The following GPR139 variants were observed in gnomAD, a reference collection of about 807,000 sequenced individuals.
The protein encoded by GPR139 is probable G protein-coupled receptor 139.
In GPR139, 12 loss-of-function variants were observed where a neutral mutation model predicts 25.8. The ratio of observed to expected loss-of-function variants is 0.47; its 90% CI spans 0.30 to 0.75. The LOEUF is 0.75. Ranked by LOEUF, GPR139 falls within the 30% of genes least tolerant of loss-of-function variation. The pLI is 0.07. For synonymous variants in GPR139, 184 were observed against 179.9 expected (o/e 1.02, Z -0.18); for missense variants, 380 against 450.2 (o/e 0.84, Z 1.41).
chr16:20,034,118 C>A (rs2057301762), intron 1 of GPR139, among the ~76,000 whole-genome samples: 2 of 151,984 alleles, frequency 1.3e-5, no homozygotes, highest in Admixed American at 6.6e-5. Context: ...CACAGTCAAC[C>A]CTGAAATTTG....
At chr16:20,072,982 G>C (rs1034545935) in intron 1 of GPR139, among the ~76,000 whole-genome samples, 1 of 152,192 alleles carries the variant, frequency 6.6e-6, no homozygotes, top group African/African-American at 2.4e-5. Flanking sequence ...CCGAGCAAGA[G>C]AGTGCTCAAT....
At chr16:20,058,603 T>A (rs977337910) in intron 1 of GPR139, among the ~76,000 whole-genome samples, 1 of 152,214 alleles carries the variant, frequency 6.6e-6, no homozygotes, top group Non-Finnish European at 1.5e-5. Flanking sequence ...ATTTTCAAGA[T>A]GTCCTTGGAA....
intron 1 of GPR139, among the ~76,000 whole-genome samples, chr16:20,045,959 C>A (rs1045909425): frequency 6.6e-6 from 1 of 152,254 alleles, no homozygotes; most frequent in South Asian, 2.1e-4. Flanking sequence ...AGGGGACCAA[C>A]AGGAAATCAG....
At chr16:20,039,400 T>A (rs1464185487) in intron 1 of GPR139, among the ~76,000 whole-genome samples, 2 of 152,234 alleles carry the variant, frequency 1.3e-5, no homozygotes, top group Non-Finnish European at 2.9e-5. Context: ...TTTATATCTT[T>A]TAGTTCTGCT....
At chr16:20,059,867 G>A (rs1179881695) in intron 1 of GPR139, among the ~76,000 whole-genome samples, 1 of 152,192 alleles carries the variant, frequency 6.6e-6, no homozygotes, top group African/African-American at 2.4e-5. Context: ...AAGCCCAGGT[G>A]TGCCCCATCC....
intron 1 of GPR139, among the ~76,000 whole-genome samples, chr16:20,040,203 A>G (rs763676576): frequency 1.3e-5 from 2 of 152,212 alleles, no homozygotes; most frequent in African/African-American, 2.4e-5. Flanking sequence ...CTGCAAATGC[A>G]TGAGAGACCA....
rs753756102 is a variant in GPR139, at chr16:20,073,447, C to G, written c.127+43G>C. 1 of 1,597,876 alleles carries G rather than the reference C, an allele frequency of 6.3e-7. No individual in the cohort carries two copies. The highest frequency in any genetic ancestry group is 1.1e-5 in the South Asian group (1 of 88,108). On this transcript the variant is annotated intron_variant, in intron 1 of 1. Coordinates refer to ENST00000570682, the MANE Select transcript of GPR139 (RefSeq NM_001002911.4). The surrounding 1 kb of genome is among the most constrained non-coding windows in gnomAD (Gnocchi z 4.7). ...GGATTCTGGGTAGGGTTGCCCGGCA[C>G]TTGGGGTTCCTGGCTTCCCTCCCTC... is the stretch of plus-strand genomic sequence containing the variant.
intron 1 of GPR139, among the ~76,000 whole-genome samples, chr16:20,069,518 GC>G (rs1849232555): frequency 1.3e-5 from 2 of 152,264 alleles, no homozygotes; most frequent in East Asian, 3.9e-4. Context: ...TTTACTATCT[GC>G]CAGGCTACAG....
chr16:20,061,213 GGA>G (rs1491478870), intron 1 of GPR139, among the ~76,000 whole-genome samples: 291 of 147,370 alleles, frequency 2.0e-3, no homozygotes, highest in Middle Eastern at 0.01. Context: ...ATGGATGGAT[GGA>G]TGGATGGATG....
intron 1 of GPR139, among the ~76,000 whole-genome samples, chr16:20,051,621 A>T (rs2057372692): frequency 6.6e-6 from 1 of 152,190 alleles, no homozygotes; most frequent in African/African-American, 2.4e-5. Flanking sequence ...ACACTGCCAA[A>T]TGACATGTAG....
chr16:20,038,536 G>A (rs1394283646), intron 1 of GPR139, among the ~76,000 whole-genome samples: 1 of 152,070 alleles, frequency 6.6e-6, no homozygotes, highest in Non-Finnish European at 1.5e-5. Context: ...AAATTGCTAG[G>A]TATTCATATT....
At chr16:20,047,220 C>T (rs1043853621) in intron 1 of GPR139, among the ~76,000 whole-genome samples, 2 of 151,946 alleles carry the variant, frequency 1.3e-5, no homozygotes, top group Admixed American at 6.6e-5. Flanking sequence ...AAGCAATTCT[C>T]CTGCCTCAGC....
chr16:20,056,859 A>G (rs1184443089), intron 1 of GPR139, among the ~76,000 whole-genome samples: 1 of 152,224 alleles, frequency 6.6e-6, no homozygotes, highest in African/African-American at 2.4e-5. Flanking sequence ...TTTCATCACA[A>G]TATTCTTTTT....
At chr16:20,043,899 C>T (rs1054172448) in intron 1 of GPR139, among the ~76,000 whole-genome samples, 12 of 152,126 alleles carry the variant, frequency 7.9e-5, no homozygotes, top group Non-Finnish European at 1.5e-4. Context: ...TACTTAAAAC[C>T]GGAGACATGC....
chr16:20,028,976 TA>T lies in GPR139; in HGVS notation c.*2758del, dbSNP rs1014006036. On this transcript the variant is annotated 3_prime_UTR_variant, in exon 2 of 2. Transcript: ENST00000570682. ...TTACAAGTTTTTAAAGTTTTAAAGT[TA>T]AAAAAAACCCATTTCATGATGTCCA... is the stretch of plus-strand genomic sequence containing the variant. Among the ~76,000 whole-genome samples, 40 of 151,904 alleles carry T rather than the reference TA, an allele frequency of 2.6e-4. No homozygotes were observed. Among genetic ancestry groups the T allele is most frequent in the Middle Eastern group, 3.4e-3 (1 of 294 alleles).
chr16:20,054,580 C>CT (rs756350523), intron 1 of GPR139, among the ~76,000 whole-genome samples: 156 of 148,912 alleles, frequency 1.0e-3, no homozygotes, highest in African/African-American at 1.7e-3. Flanking sequence ...TTACAACGTT[C>CT]TTTTTTTTTT....
intron 1 of GPR139, among the ~76,000 whole-genome samples, chr16:20,035,353 T>C (rs534706574): frequency 2.0e-5 from 3 of 152,342 alleles, no homozygotes; most frequent in African/African-American, 7.2e-5. Context: ...TATGCTATAC[T>C]GCACACAATG....
At chr16:20,033,927 A>AT (rs1324359250) in intron 1 of GPR139, among the ~76,000 whole-genome samples, 1 of 151,698 alleles carries the variant, frequency 6.6e-6, no homozygotes, top group South Asian at 2.1e-4. Flanking sequence ...GCAATGTTTT[A>AT]TTTTTTGTGG....
Position 20,037,503 on chromosome 16 carries a change from C to T in GPR139, c.128-4834G>A, listed in dbSNP as rs569341835. On this transcript the variant is annotated intron_variant, in intron 1 of 1. Transcript: ENST00000570682. ...ATAAAGAAGGGATCTAGGGATCTGTCGCAAGTATTTGTGGGAAAAGGATTC... is the reference window on the plus strand; with the variant it reads ...ATAAAGAAGGGATCTAGGGATCTGTTGCAAGTATTTGTGGGAAAAGGATTC... 1.5e-4 allele frequency among the ~76,000 whole-genome samples: 22 copies of T among 150,862 alleles called. 1 individual carries two copies. The South Asian group carries it at 2.3e-3, about 16-fold the overall frequency.
Sources: allele counts gnomAD v4.1 joint callset (sites outside exome capture counted in the v4.1 genomes callset), GRCh38; gene constraint gnomAD v4.1.1; non-coding constraint Gnocchi (gnomAD v3.1); transcripts MANE v1.5; gene names NCBI Gene and HGNC (gene_info 2026-07-23, HGNC 2026-07-21).